The following WNT3A variants were observed in gnomAD, a reference collection of about 807,000 sequenced individuals.
The protein encoded by WNT3A is protein Wnt-3a.
A neutral mutation model predicts 37.0 loss-of-function variants in WNT3A; 17 were observed. The observed-to-expected ratio is 0.46, with a 90% CI of 0.31 to 0.69. The LOEUF (loss-of-function observed/expected upper bound fraction) is 0.69, where lower values mean the gene tolerates loss of function less well. Ranked by LOEUF, WNT3A falls within the 30% of genes least tolerant of loss-of-function variation. The probability of loss-of-function intolerance (pLI) is 0.05; values close to 1 mark genes in which losing one functional copy is unlikely to be tolerated. For missense variants in WNT3A, 411 were observed against 510.2 expected (o/e 0.81, Z 1.87); for synonymous variants, 187 against 211.0 (o/e 0.89, Z 0.99).
intron 2 of WNT3A, among the ~76,000 whole-genome samples, chr1:228,028,848 C>A (rs1571800950): frequency 6.6e-6 from 1 of 152,140 alleles, no homozygotes. Context: ...TGCCCTTTAT[C>A]CAGTTGCCCC....
intron 2 of WNT3A, among the ~76,000 whole-genome samples, chr1:228,046,280 G>A (rs962105089): frequency 1.3e-5 from 2 of 151,848 alleles, no homozygotes; most frequent in African/African-American, 4.8e-5. Context: ...GTGCATGCAT[G>A]TGTTTGCATG....
chr1:228,045,967 T>C (rs2031394270), intron 2 of WNT3A, among the ~76,000 whole-genome samples: 1 of 152,064 alleles, frequency 6.6e-6, no homozygotes, highest in Non-Finnish European at 1.5e-5. Flanking sequence ...CAGCCGCGGC[T>C]AGGGAGGGAG....
chr1:228,025,227 G>T (rs936261748), intron 2 of WNT3A, among the ~76,000 whole-genome samples: 18 of 152,108 alleles, frequency 1.2e-4, no homozygotes, highest in Admixed American at 6.6e-4. Context: ...ATTTTCATGG[G>T]GATTTCACTG....
chr1:228,022,865 C>G lies in WNT3A; in HGVS notation c.270C>G (p.Thr90=), dbSNP rs375328733. 18 of 1,612,982 alleles carry G rather than the reference C, an allele frequency of 1.1e-5. No individual in the cohort carries two copies. The highest frequency in any genetic ancestry group is 1.5e-5 in the Non-Finnish European group (18 of 1,179,298). ...QFRGRRWNCT[T]VHDSLAIFGP... is the part of the protein sequence containing the mutation. ...GCGGCCGCCGGTGGAACTGCACCAC[C>G]GTCCACGACAGCCTGGCCATCTTCG... The change falls in exon 2 of 4, where the codon ACC becomes ACG. Residue 90 remains threonine (T), a synonymous_variant. Coordinates refer to ENST00000284523, the MANE Select transcript of WNT3A (RefSeq NM_033131.4).
At chr1:228,022,549 T>A (rs1334294163) in intron 1 of WNT3A, 118 bp from the exon 2 acceptor site, 2 of 1,275,964 alleles carry the variant, frequency 1.6e-6, no homozygotes, top group African/African-American at 3.0e-5. Flanking sequence ...TCCTTCATGG[T>A]GGAAGCTGCG....
At position 228,007,156 on chromosome 1, in the gene WNT3A, C is replaced by A; in HGVS notation, c.28C>A (p.Leu10Ile). 6.2e-7 allele frequency: 1 copy of A among 1,603,672 alleles called. No individual in the cohort carries two copies. ...GGCCCCACTCGGATACTTCTTACTCCTCTGCAGCCTGAAGCAGGCTCTGGG... is the reference window on the plus strand; with the variant it reads ...GGCCCCACTCGGATACTTCTTACTCATCTGCAGCCTGAAGCAGGCTCTGGG... MAPLGYFLL[L>I]CSLKQALGSY... The change falls in exon 1 of 4, where the codon CTC becomes ATC. Residue 10 changes from leucine (L) to isoleucine (I), a missense_variant. Transcript: ENST00000284523. The surrounding 1 kb of genome is among the most constrained non-coding windows in gnomAD (Gnocchi z 6.0).
intron 2 of WNT3A, among the ~76,000 whole-genome samples, chr1:228,025,115 G>A (rs916864034): frequency 5.9e-5 from 9 of 152,074 alleles, no homozygotes; most frequent in Non-Finnish European, 1.3e-4. Context: ...TTGTTTGGGG[G>A]GGACAGGAAA....
chr1:228,021,357 G>A lies in WNT3A; in HGVS notation c.72-1310G>A, dbSNP rs576135885. ...TTTGCCAAAAGCAGAGCACAGCCTG[G>A]GAGCTGTTGGGACCTGGAAAACGAG... On this transcript the variant is annotated intron_variant, in intron 1 of 3. Coordinates refer to ENST00000284523, the MANE Select transcript of WNT3A (RefSeq NM_033131.4). Among the ~76,000 whole-genome samples, 8 of 152,294 alleles carry A rather than the reference G, an allele frequency of 5.3e-5. No individual in the cohort carries two copies. In the South Asian group the frequency reaches 1.7e-3, roughly 32 times the overall value.
chr1:228,009,306 C>T (rs1007052969), intron 1 of WNT3A, among the ~76,000 whole-genome samples: 1 of 152,166 alleles, frequency 6.6e-6, no homozygotes, highest in Non-Finnish European at 1.5e-5. Context: ...AGCAGCACCC[C>T]GGCAGCATAG....
At chr1:228,021,268 C>A (rs1190442522) in intron 1 of WNT3A, among the ~76,000 whole-genome samples, 2 of 152,238 alleles carry the variant, frequency 1.3e-5, no homozygotes, top group Non-Finnish European at 2.9e-5. Context: ...TTTTACATTT[C>A]TTGCATTTTA....
intron 2 of WNT3A, among the ~76,000 whole-genome samples, chr1:228,041,596 A>G (rs545068961): frequency 6.6e-6 from 1 of 151,810 alleles, no homozygotes; most frequent in South Asian, 2.1e-4. Context: ...ACCATCCCTC[A>G]ATCCATCATC....
At chr1:228,034,569 C>A (rs1028534947) in intron 2 of WNT3A, among the ~76,000 whole-genome samples, 2 of 152,114 alleles carry the variant, frequency 1.3e-5, no homozygotes, top group African/African-American at 4.8e-5. Flanking sequence ...TGCAGGTAGG[C>A]CCCTCTTGCT....
intron 1 of WNT3A, among the ~76,000 whole-genome samples, chr1:228,012,696 A>G (rs2030409501): frequency 1.3e-5 from 2 of 152,118 alleles, no homozygotes; most frequent in Non-Finnish European, 2.9e-5. Context: ...GCTGGGGAAG[A>G]AGGATTAGAC....
At chr1:228,040,338 C>G (rs2031248319) in intron 2 of WNT3A, among the ~76,000 whole-genome samples, 1 of 152,172 alleles carries the variant, frequency 6.6e-6, no homozygotes, top group Admixed American at 6.5e-5. Flanking sequence ...CACTGTCACC[C>G]CCTAACAGGG....
In WNT3A at chr1:228,007,277, C is replaced by A; in HGVS notation, c.71+78C>A. Reference sequence around the variant, plus strand: ...AGACGGTCCCCTCGGGCAGGGACCCCGCGGTGGCCCGAGCCCGCGCCCTTC... The same window carrying A: ...AGACGGTCCCCTCGGGCAGGGACCCAGCGGTGGCCCGAGCCCGCGCCCTTC... On this transcript the variant is annotated intron_variant, in intron 1 of 3. Coordinates refer to ENST00000284523, the MANE Select transcript of WNT3A (RefSeq NM_033131.4). The surrounding 1 kb of genome is among the most constrained non-coding windows in gnomAD (Gnocchi z 6.0). 1 of 1,445,878 alleles carries A rather than the reference C, an allele frequency of 6.9e-7. No homozygotes were observed. The highest frequency in any genetic ancestry group is 9.4e-7 in the Non-Finnish European group (1 of 1,063,878). The allele number at this position is 1,445,878 out of a possible 1,614,324, so 89.6% of individuals were successfully genotyped here. A position where few individuals can be genotyped will look rare whatever the true frequency, so the allele number is the denominator to read the frequency against.
Position 228,038,267 on chromosome 1 carries a change from C to T in WNT3A, c.314-12389C>T, listed in dbSNP as rs1454314979. Among the ~76,000 whole-genome samples the T allele has an allele frequency of 6.6e-6, 1 of 152,154 alleles. No homozygotes were observed. Among genetic ancestry groups the T allele is most frequent in the South Asian group, 2.1e-4 (1 of 4,812 alleles). ...TGGGCAGCCCCCGAGGGGAGGCGCC[C>T]GGGCGTCGGCTCCGGCGGGCTCCGG... On this transcript the variant is annotated intron_variant, in intron 2 of 3. Coordinates refer to ENST00000284523, the MANE Select transcript of WNT3A (RefSeq NM_033131.4). The surrounding 1 kb of genome is among the most constrained non-coding windows in gnomAD (Gnocchi z 5.7).
chr1:228,029,459 C>T (rs1442506754), intron 2 of WNT3A, among the ~76,000 whole-genome samples: 5 of 152,176 alleles, frequency 3.3e-5, no homozygotes, highest in African/African-American at 9.7e-5. Flanking sequence ...GCCGAGGAGA[C>T]TTTGGAGACC....
intron 2 of WNT3A, among the ~76,000 whole-genome samples, chr1:228,040,010 C>T (rs1163455716): frequency 6.6e-6 from 1 of 152,212 alleles, no homozygotes; most frequent in Non-Finnish European, 1.5e-5. Context: ...CCTCTCCTCT[C>T]GCCCTGTATC....
intron 2 of WNT3A, among the ~76,000 whole-genome samples, chr1:228,030,419 AAATAAATAAACAAAT>A (rs1371437518): frequency 6.6e-6 from 1 of 151,500 alleles, no homozygotes; most frequent in African/African-American, 2.4e-5. Context: ...GGAAAAATAT[AAATAAATAAACAAAT>A]AATAAATAAA....
Sources: gnomAD v4.1 joint callset for allele counts (sites outside exome capture counted in the v4.1 genomes callset) on GRCh38, gnomAD v4.1.1 for gene constraint, Gnocchi (gnomAD v3.1) non-coding constraint, MANE v1.5 for transcripts, NCBI Gene and HGNC (gene_info 2026-07-23, HGNC 2026-07-21) for gene names.